FHIT: variants seen among roughly 807,000 people sequenced by gnomAD.
FHIT encodes the protein bis(5'-adenosyl)-triphosphatase.
In FHIT, 19 loss-of-function variants were observed where a neutral mutation model predicts 17.9. The observed-to-expected ratio is 1.06, with a 90% confidence interval of 0.74 to 1.56. The LOEUF (loss-of-function observed/expected upper bound fraction) is 1.56, where lower values mean the gene tolerates loss of function less well. Among genes scored for constraint, FHIT ranks in the 40% most tolerant of loss-of-function variants. The pLI is 0.00. For synonymous variants in FHIT, 81 were observed against 69.7 expected, an observed-to-expected ratio of 1.16 and a Z score of -0.81; for missense variants, 248 against 189.2, an observed-to-expected ratio of 1.31 and a Z score of -1.82.
At chr3:60,951,890 G>T (rs116237346) in intron 3 of FHIT, among the ~76,000 whole-genome samples, 3,255 of 152,186 alleles carry the variant, frequency 0.021, 83 homozygotes, top group African/African-American at 0.058. Flanking sequence ...TTTTGGCTGG[G>T]TGCAGTGGCT....
chr3:60,966,889 T>C (rs2107517773), intron 3 of FHIT, among the ~76,000 whole-genome samples: 1 of 152,314 alleles, frequency 6.6e-6, no homozygotes, highest in Middle Eastern at 3.4e-3. Flanking sequence ...TTTGATTTGG[T>C]CTATAAATTG....
chr3:60,830,509 T>C (rs183816046), intron 3 of FHIT, among the ~76,000 whole-genome samples: 170 of 152,280 alleles, frequency 1.1e-3, no homozygotes, highest in Non-Finnish European at 1.8e-3. Flanking sequence ...CTTATTCTGG[T>C]GCTAGTAAAA....
intron 5 of FHIT, among the ~76,000 whole-genome samples, chr3:60,409,824 C>A (rs968912167): frequency 4.1e-4 from 63 of 152,136 alleles, no homozygotes; most frequent in African/African-American, 1.4e-3. Flanking sequence ...CCATGCTACA[C>A]GAACCTTCTT....
chr3:60,517,250 G>C (rs527848679), intron 5 of FHIT, among the ~76,000 whole-genome samples: 16 of 152,186 alleles, frequency 1.1e-4, no homozygotes, highest in Admixed American at 6.5e-4. Flanking sequence ...GGTCATTCAG[G>C]AGGTGATTTG....
chr3:59,976,737 G>C (rs1708429834), intron 7 of FHIT, among the ~76,000 whole-genome samples: 1 of 151,978 alleles, frequency 6.6e-6, no homozygotes, highest in African/African-American at 2.4e-5. Context: ...ATACTTACAA[G>C]GGAGATGATA....
At chr3:60,341,898 G>C (rs1162197293) in intron 5 of FHIT, among the ~76,000 whole-genome samples, 1 of 152,118 alleles carries the variant, frequency 6.6e-6, no homozygotes, top group African/African-American at 2.4e-5. Context: ...TTGTTCCTTA[G>C]TTCAGCCAAA....
intron 1 of FHIT, among the ~76,000 whole-genome samples, chr3:61,222,801 A>T (rs953767183): frequency 1.3e-5 from 2 of 152,180 alleles, no homozygotes; most frequent in African/African-American, 4.8e-5. Context: ...AATGGGGGGA[A>T]TCAAGGCAAC....
chr3:60,778,705 T>G lies in FHIT; in HGVS notation c.-18+43214A>C, dbSNP rs543366507. On this transcript the variant is annotated intron_variant, in intron 4 of 9. Coordinates refer to ENST00000492590, the MANE Select transcript of FHIT (RefSeq NM_002012.4). The stretch of plus-strand genomic sequence containing the variant: ...TGTGAATATTGTTATGGCAATATAG[T>G]TGTTTGCATCAGTGCCAATAAGAAT... Among the ~76,000 whole-genome samples, 6 of 89,332 alleles carry G rather than the reference T, an allele frequency of 6.7e-5. No homozygotes were observed. The South Asian group carries it at 3.1e-3, about 46-fold the overall frequency. The allele number at this position is 89,332 out of a possible 152,430, so 58.6% of individuals were successfully genotyped here.
chr3:59,861,078 T>C (rs1295358612), intron 8 of FHIT, among the ~76,000 whole-genome samples: 1 of 152,064 alleles, frequency 6.6e-6, no homozygotes, highest in African/African-American at 2.4e-5. Context: ...AGAGCTTGAC[T>C]GGCTGGCAGG....
At chr3:60,352,153 G>T (rs755586808) in intron 5 of FHIT, among the ~76,000 whole-genome samples, 3 of 152,122 alleles carry the variant, frequency 2.0e-5, no homozygotes, top group Non-Finnish European at 4.4e-5. Context: ...TAAGTGCAGA[G>T]AAAATAAGTG....
chr3:60,719,749 A>G (rs1224412715), intron 4 of FHIT, among the ~76,000 whole-genome samples: 4 of 152,168 alleles, frequency 2.6e-5, no homozygotes, highest in Admixed American at 1.3e-4. Context: ...CTCCTCTGCA[A>G]ATTGGAGGTA....
intron 5 of FHIT, among the ~76,000 whole-genome samples, chr3:60,439,403 G>C (rs762148722): frequency 8.5e-5 from 13 of 152,096 alleles, no homozygotes; most frequent in Non-Finnish European, 7.4e-5. Context: ...TGAATAAAGG[G>C]CTTCTACTGT....
intron 3 of FHIT, among the ~76,000 whole-genome samples, chr3:61,031,160 G>C (rs944411094): frequency 1.3e-5 from 2 of 152,214 alleles, no homozygotes; most frequent in Admixed American, 1.3e-4. Flanking sequence ...GTCATGTTCA[G>C]ATGTAGAAAG....
intron 5 of FHIT, among the ~76,000 whole-genome samples, chr3:60,032,594 G>C (rs1458631026): frequency 6.6e-6 from 1 of 152,156 alleles, no homozygotes; most frequent in East Asian, 1.9e-4. Context: ...CTTTATAATG[G>C]AGAACCAGGC....
chr3:60,722,886 C>A (rs2041839818), intron 4 of FHIT, among the ~76,000 whole-genome samples: 1 of 151,836 alleles, frequency 6.6e-6, no homozygotes, highest in African/African-American at 2.4e-5. Flanking sequence ...CCACATCCAG[C>A]GAATTTTTTG....
intron 4 of FHIT, among the ~76,000 whole-genome samples, chr3:60,608,768 G>T (rs2038689351): frequency 6.6e-6 from 1 of 152,050 alleles, no homozygotes; most frequent in South Asian, 2.1e-4. Context: ...TCGTTATTTG[G>T]TTTTGCAAGT....
At chr3:60,949,221 C>T (rs1424277453) in intron 3 of FHIT, among the ~76,000 whole-genome samples, 1 of 152,176 alleles carries the variant, frequency 6.6e-6, no homozygotes, top group African/African-American at 2.4e-5. Flanking sequence ...CCAAATACCA[C>T]ACCAATGGTG....
At chr3:60,973,242 T>C (rs1274001585) in intron 3 of FHIT, among the ~76,000 whole-genome samples, 3 of 152,186 alleles carry the variant, frequency 2.0e-5, no homozygotes, top group African/African-American at 7.2e-5. Context: ...CAGTTGAGGC[T>C]GGTATATTTC....
chr3:59,758,723 T>C (rs1701346118), intron 8 of FHIT, among the ~76,000 whole-genome samples: 1 of 152,224 alleles, frequency 6.6e-6, no homozygotes, highest in South Asian at 2.1e-4. Flanking sequence ...TCAAGTCTCC[T>C]TTTAAAGTAA....
Sources: allele counts gnomAD v4.1 joint callset (sites outside exome capture counted in the v4.1 genomes callset), GRCh38; gene constraint gnomAD v4.1.1; transcripts MANE v1.5; gene names NCBI Gene and HGNC (gene_info 2026-07-23, HGNC 2026-07-21).